The following MAN1C1 variants were observed in gnomAD, a reference collection of about 807,000 sequenced individuals.
MAN1C1 encodes mannosidase alpha class 1C member 1.
MAN1C1 carries 49 observed loss-of-function variants against 71.5 expected under a neutral mutation model. That is an observed-to-expected ratio of 0.69 (90% CI 0.54 to 0.87). MAN1C1 has a LOEUF of 0.87. Ranked by LOEUF, MAN1C1 falls within the 40% of genes least tolerant of loss-of-function variation. The pLI, the probability that MAN1C1 is intolerant of heterozygous loss-of-function variation, is 0.00. For synonymous variants in MAN1C1, 352 were observed against 343.7 expected (o/e 1.02, Z -0.27); for missense variants, 743 against 835.0 (o/e 0.89, Z 1.36).
chr1:25,781,445 T>C (rs954967543), intron 10 of MAN1C1, among the ~76,000 whole-genome samples: 1 of 151,984 alleles, frequency 6.6e-6, no homozygotes, highest in African/African-American at 2.4e-5. Context: ...GCCACCGCTG[T>C]CCCAACAGAC....
intron 2 of MAN1C1, among the ~76,000 whole-genome samples, chr1:25,713,541 C>G (rs2046641160): frequency 6.6e-6 from 1 of 152,304 alleles, no homozygotes; most frequent in Admixed American, 6.5e-5. Context: ...TAGGCACAGG[C>G]TCTTGAAAGC....
chr1:25,748,516 G>T (rs959935020), intron 3 of MAN1C1, among the ~76,000 whole-genome samples: 1 of 152,174 alleles, frequency 6.6e-6, no homozygotes, highest in East Asian at 1.9e-4. Flanking sequence ...CACGGGAGGG[G>T]TTGGCAGCCC....
intron 1 of MAN1C1, among the ~76,000 whole-genome samples, chr1:25,648,922 G>A (rs1467578799): frequency 2.6e-5 from 4 of 152,198 alleles, no homozygotes; most frequent in Admixed American, 2.0e-4. Flanking sequence ...GAAAAGCAGA[G>A]CAGAACTTGG....
At chr1:25,720,943 G>T (rs535127235) in intron 2 of MAN1C1, among the ~76,000 whole-genome samples, 77 of 152,282 alleles carry the variant, frequency 5.1e-4, no homozygotes, top group African/African-American at 1.8e-3. Flanking sequence ...TTCCGATTGA[G>T]TTGTCTTAGC....
intron 2 of MAN1C1, among the ~76,000 whole-genome samples, chr1:25,719,784 G>A (rs1438270614): frequency 6.6e-6 from 1 of 151,632 alleles, no homozygotes; most frequent in Admixed American, 6.6e-5. Flanking sequence ...TTGTTATTTT[G>A]TTTGTTTGTT....
intron 1 of MAN1C1, among the ~76,000 whole-genome samples, chr1:25,623,186 C>T (rs1399563791): frequency 6.6e-6 from 1 of 152,188 alleles, no homozygotes; most frequent in African/African-American, 2.4e-5. Context: ...CTCAGCCCAG[C>T]CATACGCCTC....
chr1:25,729,763 G>A (rs930657085), intron 2 of MAN1C1, among the ~76,000 whole-genome samples: 1 of 151,964 alleles, frequency 6.6e-6, no homozygotes, highest in Non-Finnish European at 1.5e-5. Context: ...GCCCACCTCG[G>A]TCTCCCAAAG....
chr1:25,624,470 A>G (rs2124748803), intron 1 of MAN1C1, among the ~76,000 whole-genome samples: 1 of 152,322 alleles, frequency 6.6e-6, no homozygotes, highest in African/African-American at 2.4e-5. Flanking sequence ...CAGGTGGTCA[A>G]AACAGTTCTT....
chr1:25,651,480 G>A (rs1175733346), intron 1 of MAN1C1, among the ~76,000 whole-genome samples: 1 of 152,246 alleles, frequency 6.6e-6, no homozygotes, highest in African/African-American at 2.4e-5. Flanking sequence ...ATGTGTGACA[G>A]GCAGGAAGGA....
chr1:25,633,370 C>T (rs1211229854), intron 1 of MAN1C1, among the ~76,000 whole-genome samples: 1 of 152,030 alleles, frequency 6.6e-6, no homozygotes, highest in Non-Finnish European at 1.5e-5. Context: ...TCTCAATGAT[C>T]TGTCTAGCAC....
At chr1:25,684,385 A>G (rs2046198478) in intron 1 of MAN1C1, among the ~76,000 whole-genome samples, 1 of 152,210 alleles carries the variant, frequency 6.6e-6, no homozygotes, top group African/African-American at 2.4e-5. Flanking sequence ...TGGCTGTGTT[A>G]CCATGACGTT....
chr1:25,773,442 C>T (rs1235094959), intron 8 of MAN1C1, among the ~76,000 whole-genome samples: 1 of 152,210 alleles, frequency 6.6e-6, no homozygotes, highest in African/African-American at 2.4e-5. Context: ...TTTCCCTGCT[C>T]AGCTCCCTGG....
rs1033580003 is a variant in MAN1C1 at position 25,639,651 on chromosome 1, G to A, written c.540+21314G>A. On this transcript the variant is annotated intron_variant, in intron 1 of 11. Transcript: ENST00000374332. ...CTTATATGTAAAGTACAAATAAACA[G>A]ACATTGAGTAGATCTCTAAAGACTC... 2.6e-5 allele frequency among the ~76,000 whole-genome samples: 4 copies of A among 152,176 alleles called. No homozygotes were observed. The South Asian group carries it at 8.3e-4, about 32-fold the overall frequency.
chr1:25,629,994 A>T (rs1481072617), intron 1 of MAN1C1, among the ~76,000 whole-genome samples: 1 of 151,738 alleles, frequency 6.6e-6, no homozygotes, highest in Admixed American at 6.6e-5. Flanking sequence ...AGTTTTTCTG[A>T]TGTTATCTTT....
chr1:25,655,091 A>G (rs1454760195), intron 1 of MAN1C1, among the ~76,000 whole-genome samples: 3 of 152,328 alleles, frequency 2.0e-5, no homozygotes, highest in Non-Finnish European at 4.4e-5. Context: ...TTTTAAAACA[A>G]AAGCAAAGCT....
intron 4 of MAN1C1, among the ~76,000 whole-genome samples, chr1:25,752,122 T>C (rs981779158): frequency 6.6e-5 from 10 of 152,074 alleles, no homozygotes; most frequent in African/African-American, 2.4e-4. Context: ...CCAGTGCCCA[T>C]GGGAGTAACT....
Position 25,718,599 on chromosome 1 carries a change from C to T in MAN1C1, c.638-28069C>T, listed in dbSNP as rs141471436. Among the ~76,000 whole-genome samples, 1,070 of 152,306 alleles carry T rather than the reference C, an allele frequency of 7.0e-3. 17 individuals carry two copies. The highest frequency in any genetic ancestry group is 0.024 in the African/African-American group (1,009 of 41,558). On this transcript the variant is annotated intron_variant, in intron 2 of 11. Transcript: ENST00000374332. Reference sequence around the variant, plus strand: ...CCATCACAGTCGCTTCCCATTTCCACTGCCATCCCCAGGCAGCCAGTAATC... The same window carrying T: ...CCATCACAGTCGCTTCCCATTTCCATTGCCATCCCCAGGCAGCCAGTAATC...
At chr1:25,665,309 C>G (rs1384077709) in intron 1 of MAN1C1, among the ~76,000 whole-genome samples, 1 of 152,154 alleles carries the variant, frequency 6.6e-6, no homozygotes, top group African/African-American at 2.4e-5. Context: ...ATACCTTCCT[C>G]TCAGCCATTT....
intron 2 of MAN1C1, among the ~76,000 whole-genome samples, chr1:25,736,478 TCATCAC>T (rs751383367): frequency 1.2e-4 from 19 of 152,160 alleles, no homozygotes; most frequent in Non-Finnish European, 2.2e-4. Context: ...TCTTCCAAAC[TCATCAC>T]CATACCACCC....
Sources: allele counts gnomAD v4.1 joint callset (sites outside exome capture counted in the v4.1 genomes callset), GRCh38; gene constraint gnomAD v4.1.1; transcripts MANE v1.5; gene names NCBI Gene and HGNC (gene_info 2026-07-23, HGNC 2026-07-21).